The following STK32B variants were observed in gnomAD, a reference collection of about 807,000 sequenced individuals.
STK32B encodes the protein serine/threonine-protein kinase 32B.
A neutral mutation model predicts 52.6 loss-of-function variants in STK32B; 43 were observed. That is an observed-to-expected ratio of 0.82 (90% CI 0.64 to 1.05). The LOEUF (loss-of-function observed/expected upper bound fraction) is 1.05. STK32B is among the 50% of genes least tolerant of loss of function. The pLI is 0.00. For missense variants in STK32B, 621 were observed against 534.6 expected (o/e 1.16, Z -1.59); for synonymous variants, 238 against 204.3 (o/e 1.17, Z -1.41).
At chr4:5,204,590 C>T (rs1320765675) in intron 3 of STK32B, among the ~76,000 whole-genome samples, 10 of 152,030 alleles carry the variant, frequency 6.6e-5, no homozygotes, top group Non-Finnish European at 1.2e-4. Flanking sequence ...CTGCCTTAGC[C>T]TCCTGAGTAG....
At chr4:5,448,007 A>T (rs1193848420) in intron 7 of STK32B, among the ~76,000 whole-genome samples, 1 of 152,176 alleles carries the variant, frequency 6.6e-6, no homozygotes, top group East Asian at 1.9e-4. Flanking sequence ...TGTCTTATTC[A>T]CTGTGGGTGT....
Position 5,051,787 on chromosome 4 carries a change from C to T in STK32B, c.-77C>T, listed in dbSNP as rs553572788. 215 of 1,543,474 alleles carry T rather than the reference C, an allele frequency of 1.4e-4. No individual in the cohort carries two copies. Among genetic ancestry groups the T allele is most frequent in the Non-Finnish European group, 1.2e-4 (141 of 1,142,498 alleles). On this transcript the variant is annotated 5_prime_UTR_variant, in exon 1 of 12. Coordinates refer to ENST00000282908, the MANE Select transcript of STK32B (RefSeq NM_018401.3). Reference sequence around the variant, plus strand: ...GACTGGGCGCGCCCCCGGCATCCCGCATCTCTGCGCGCGTCCCACATCCCG... The same window carrying T: ...GACTGGGCGCGCCCCCGGCATCCCGTATCTCTGCGCGCGTCCCACATCCCG...
At chr4:5,449,756 G>A (rs978696872) in intron 7 of STK32B, among the ~76,000 whole-genome samples, 3 of 152,126 alleles carry the variant, frequency 2.0e-5, no homozygotes, top group African/African-American at 7.2e-5. Context: ...TCTCATGGGA[G>A]TGCAAACCCT....
intron 3 of STK32B, among the ~76,000 whole-genome samples, chr4:5,223,835 A>G (rs1171451839): frequency 6.6e-6 from 1 of 150,994 alleles, no homozygotes; most frequent in Non-Finnish European, 1.5e-5. Flanking sequence ...AAAAAAAAAA[A>G]GTAACATTAT....
chr4:5,179,708 G>A (rs1720211640), intron 3 of STK32B, among the ~76,000 whole-genome samples: 1 of 151,834 alleles, frequency 6.6e-6, no homozygotes, highest in African/African-American at 2.4e-5. Flanking sequence ...ACACTACAGG[G>A]GTCAGGAGTT....
chr4:5,497,037 CTT>C (rs1422794792), intron 11 of STK32B, among the ~76,000 whole-genome samples: 2 of 152,202 alleles, frequency 1.3e-5, no homozygotes, highest in Admixed American at 1.3e-4. Flanking sequence ...GTGAGGCAGT[CTT>C]TGAGTTTTCA....
At chr4:5,472,702 A>T (rs999064496) in intron 11 of STK32B, among the ~76,000 whole-genome samples, 2 of 152,250 alleles carry the variant, frequency 1.3e-5, no homozygotes, top group Non-Finnish European at 2.9e-5. Context: ...ATTTAAAATC[A>T]TATAAAAGCT....
chr4:5,406,886 CA>C (rs1737719185), intron 5 of STK32B, among the ~76,000 whole-genome samples: 1 of 152,164 alleles, frequency 6.6e-6, no homozygotes. Context: ...TGTTAACATT[CA>C]GCTCCCTTTT....
chr4:5,207,525 T>G (rs1322639904), intron 3 of STK32B, among the ~76,000 whole-genome samples: 3 of 152,184 alleles, frequency 2.0e-5, no homozygotes, highest in African/African-American at 7.2e-5. Flanking sequence ...CCATTAAGCT[T>G]CTTTTTCTGT....
At chr4:5,170,803 A>G (rs1487056438) in intron 3 of STK32B, among the ~76,000 whole-genome samples, 2 of 152,248 alleles carry the variant, frequency 1.3e-5, no homozygotes, top group Non-Finnish European at 2.9e-5. Flanking sequence ...AGCATGATTT[A>G]TAATCCTTTG....
At chr4:5,138,658 GA>G (rs1716222502) in intron 1 of STK32B, among the ~76,000 whole-genome samples, 1 of 152,168 alleles carries the variant, frequency 6.6e-6, no homozygotes, top group African/African-American at 2.4e-5. Flanking sequence ...GTCTAGTAGG[GA>G]AAAGTGAACT....
intron 1 of STK32B, among the ~76,000 whole-genome samples, chr4:5,096,420 A>G (rs1272786726): frequency 1.3e-5 from 2 of 152,216 alleles, no homozygotes; most frequent in African/African-American, 4.8e-5. Flanking sequence ...GGGAGTGGCC[A>G]TGCGAGCCAA....
At chr4:5,158,381 G>C (rs1478320344) in intron 2 of STK32B, among the ~76,000 whole-genome samples, 1 of 152,022 alleles carries the variant, frequency 6.6e-6, no homozygotes, top group Non-Finnish European at 1.5e-5. Context: ...GGGTGAGCAG[G>C]GGCATTCACT....
chr4:5,431,600 A>C lies in STK32B; in HGVS notation c.562+14666A>C, dbSNP rs79814045. ...GCATCATTTATTTCTGCCCTTTATC[A>C]GAGCTTACGTATTTACTCATTAGCC... On this transcript the variant is annotated intron_variant, in intron 6 of 11. Transcript: ENST00000282908. 7.9e-3 allele frequency among the ~76,000 whole-genome samples: 1,200 copies of C among 152,230 alleles called. 16 individuals carry two copies. Among genetic ancestry groups the C allele is most frequent in the African/African-American group, 0.027 (1,103 of 41,532 alleles).
chr4:5,385,378 C>T (rs139123421), intron 4 of STK32B, among the ~76,000 whole-genome samples: 55 of 151,114 alleles, frequency 3.6e-4, no homozygotes, highest in African/African-American at 1.1e-3. Context: ...GCTTCGAAGC[C>T]CCGTGCCCAT....
At chr4:5,208,419 C>T (rs1251739482) in intron 3 of STK32B, among the ~76,000 whole-genome samples, 1 of 152,174 alleles carries the variant, frequency 6.6e-6, no homozygotes, top group Non-Finnish European at 1.5e-5. Context: ...AACCAAGTCT[C>T]ATATATGATT....
At chr4:5,492,970 C>G (rs79631992) in intron 11 of STK32B, among the ~76,000 whole-genome samples, 57,055 of 150,702 alleles carry the variant, frequency 0.38, 11,869 homozygotes, top group Non-Finnish European at 0.42. Flanking sequence ...CTGCTGGATT[C>G]GGTTTGCCAG....
intron 1 of STK32B, among the ~76,000 whole-genome samples, chr4:5,054,718 A>G (rs1483540708): frequency 6.6e-6 from 1 of 152,208 alleles, no homozygotes; most frequent in Admixed American, 6.5e-5. Flanking sequence ...CTCCCAAACC[A>G]TAGTCATTGC....
intron 3 of STK32B, among the ~76,000 whole-genome samples, chr4:5,234,299 A>G (rs568577367): frequency 6.6e-6 from 1 of 152,306 alleles, no homozygotes; most frequent in African/African-American, 2.4e-5. Context: ...AATAATAATT[A>G]TGTCTGAAAT....
Sources: gnomAD v4.1 joint callset for allele counts (sites outside exome capture counted in the v4.1 genomes callset) on GRCh38, gnomAD v4.1.1 for gene constraint, MANE v1.5 for transcripts, NCBI Gene and HGNC (gene_info 2026-07-23, HGNC 2026-07-21) for gene names.